CWC15: variants seen among roughly 807,000 people sequenced by gnomAD.
CWC15 encodes CWC15 spliceosome associated protein, also known as spliceosome-associated protein CWC15 homolog.
CWC15 carries 12 observed loss-of-function variants against 28.4 expected under a neutral mutation model. That is an observed-to-expected ratio of 0.42 (90% CI 0.27 to 0.69). The LOEUF is 0.69. Among genes scored for constraint, CWC15 ranks in the 30% least tolerant of loss-of-function variants. CWC15 has a pLI of 0.23. For missense variants in CWC15, 192 were observed against 271.5 expected, an observed-to-expected ratio of 0.71 and a Z score of 2.06; for synonymous variants, 92 against 88.4, an observed-to-expected ratio of 1.04 and a Z score of -0.23.
chr11:94,970,633 A>G (rs1043292957), intron 4 of CWC15: 1 of 256,554 alleles, frequency 3.9e-6, no homozygotes, highest in Non-Finnish European at 7.6e-6. Context: ...TCTAGAGGGC[A>G]CTGTTTATAG....
chr11:94,972,264 T>A, intron 1 of CWC15, 71 bp from the exon 2 acceptor site: 1 of 1,386,652 alleles, frequency 7.2e-7, no homozygotes, highest in South Asian at 1.3e-5. Flanking sequence ...TTAATCAATA[T>A]CCATACTGGT....
intron 5 of CWC15, 143 bp downstream of exon 5, chr11:94,969,846 C>A: frequency 2.3e-6 from 1 of 441,336 alleles, no homozygotes; most frequent in South Asian, 6.8e-5. Flanking sequence ...TAAAAATAAT[C>A]ATTTATAGAT....
At chr11:94,966,247 A>T (rs925667343) in intron 6 of CWC15, 48 bp downstream of exon 6, 1 of 971,660 alleles carries the variant, frequency 1.0e-6, no homozygotes, top group African/African-American at 1.6e-5. Context: ...ACACACACAC[A>T]CACACACACA....
chr11:94,963,730 ATTC>A lies in CWC15; in HGVS notation c.561-219_561-217del, dbSNP rs376607002. 5.2e-4 allele frequency among the ~76,000 whole-genome samples: 79 copies of A among 152,248 alleles called. 1 individual carries two copies. The East Asian group carries it at 6.5e-3, about 13-fold the overall frequency. ...CAATTCCTACTTAGAACATTAAAAC[ATTC>A]TTATTATTTCTCCAGTAAAAGAAAC... On this transcript the variant is annotated intron_variant, in intron 6 of 6. Transcript: ENST00000279839.
intron 6 of CWC15, 24 bp downstream of exon 6, chr11:94,966,271 C>CACACACA: frequency 2.0e-6 from 2 of 992,894 alleles, no homozygotes; most frequent in Non-Finnish European, 3.0e-6. Flanking sequence ...ACACACACTC[C>CACACACA]ATTACTCCGT....
chr11:94,968,350 TAG>T (rs1252228956), intron 5 of CWC15, among the ~76,000 whole-genome samples: 1 of 152,068 alleles, frequency 6.6e-6, no homozygotes, highest in African/African-American at 2.4e-5. Flanking sequence ...AACCAGCCAA[TAG>T]AAAGGGAAAC....
chr11:94,969,924 C>T, intron 5 of CWC15, 65 bp downstream of exon 5: 1 of 1,008,584 alleles, frequency 9.9e-7, no homozygotes, highest in Non-Finnish European at 1.4e-6. Flanking sequence ...TACTTATATT[C>T]AAAAAAATTT....
chr11:94,966,198 C>A, intron 6 of CWC15, 97 bp downstream of exon 6: 1 of 710,942 alleles, frequency 1.4e-6, no homozygotes, highest in Non-Finnish European at 2.2e-6. Context: ...TTATAATCTG[C>A]ATGCCTGTGT....
In CWC15 at chr11:94,972,121, T is replaced by C. The variant is rs782246259; in HGVS notation, c.65A>G (p.Asp22Gly). Reference sequence around the variant, plus strand: ...ATACTGCTTTGAAAGTTGGCTCAAATCACCTTCTCCTTTTCCCCTTCCACC... The same window carrying C: ...ATACTGCTTTGAAAGTTGGCTCAAACCACCTTCTCCTTTTCCCCTTCCACC... ...ARGGRGKGEG[D>G]LSQLSKQYSS... The change falls in exon 2 of 7, where the codon GAT becomes GGT. Residue 22 changes from aspartate (D) to glycine (G), a missense_variant. By Grantham distance (94) the Asp-to-Gly change is moderately conservative. This residue lies in a region of CWC15 where 188 missense variants were observed against 250.3 expected (regional missense o/e 0.75). Transcript: ENST00000279839. 3 of 1,613,888 alleles carry C rather than the reference T, an allele frequency of 1.9e-6. No individual in the cohort carries two copies. The highest frequency in any genetic ancestry group is 2.5e-6 in the Non-Finnish European group (3 of 1,179,836).
chr11:94,969,353 A>G (rs587774219), intron 5 of CWC15, among the ~76,000 whole-genome samples: 1 of 152,188 alleles, frequency 6.6e-6, no homozygotes, highest in South Asian at 2.1e-4. Flanking sequence ...AGTTTTATCA[A>G]TCTCCTGCTG....
intron 5 of CWC15, among the ~76,000 whole-genome samples, chr11:94,967,501 T>G (rs1156803598): frequency 6.6e-6 from 1 of 152,268 alleles, no homozygotes; most frequent in Non-Finnish European, 1.5e-5. Context: ...TGTTAACATG[T>G]TATCTTAAGC....
At chr11:94,965,352 C>T (rs1417404623) in intron 6 of CWC15, among the ~76,000 whole-genome samples, 1 of 152,134 alleles carries the variant, frequency 6.6e-6, no homozygotes, top group Admixed American at 6.5e-5. Context: ...GTAAGCTTTT[C>T]TGTTTTATTT....
At chr11:94,973,055 G>A (rs1307734165) in intron 1 of CWC15, among the ~76,000 whole-genome samples, 2 of 150,986 alleles carry the variant, frequency 1.3e-5, no homozygotes, top group Non-Finnish European at 3.0e-5. Flanking sequence ...TTTGGGGGGG[G>A]GGCGATGCTA....
Position 94,963,245 on chromosome 11 carries a change from C to T in CWC15, c.*140G>A. ...CCAAGTCCATTATCAAGTAAGGTAT[C>T]ACTAAAGAAAAAGATAGGAGTTTAA... On this transcript the variant is annotated 3_prime_UTR_variant, in exon 7 of 7. Transcript: ENST00000279839. 1.8e-6 allele frequency: 1 copy of T among 568,622 alleles called. No individual in the cohort carries two copies. 35.2% of individuals were successfully genotyped at this position (568,622 alleles called of 1,614,324 possible).
At chr11:94,965,620 T>C (rs1234620742) in intron 6 of CWC15, among the ~76,000 whole-genome samples, 1 of 152,234 alleles carries the variant, frequency 6.6e-6, no homozygotes, top group Non-Finnish European at 1.5e-5. Flanking sequence ...ACTATCCTTT[T>C]AGGAGTCTGG....
chr11:94,972,311 TA>T (rs1555096353), intron 1 of CWC15, 118 bp from the exon 2 acceptor site: 4 of 979,028 alleles, frequency 4.1e-6, no homozygotes, highest in Non-Finnish European at 5.9e-6. Flanking sequence ...AAAACCTGCT[TA>T]ATCTTCTTAA....
intron 6 of CWC15, among the ~76,000 whole-genome samples, chr11:94,965,381 G>T (rs1486226676): frequency 1.3e-5 from 2 of 152,176 alleles, no homozygotes; most frequent in Non-Finnish European, 2.9e-5. Flanking sequence ...ACCATCTGAA[G>T]GATTTACAGT....
At chr11:94,966,545 C>CTTTT (rs34432027) in intron 5 of CWC15, 132 bp from the exon 6 acceptor site, 3 of 238,066 alleles carry the variant, frequency 1.3e-5, no homozygotes, top group Non-Finnish European at 2.2e-5. Context: ...TCAAGGCAGG[C>CTTTT]TTTTTTTTTT....
chr11:94,963,273 C>A lies in CWC15; in HGVS notation c.*112G>T. The A allele has an allele frequency of 1.3e-6, 1 of 795,874 alleles. No individual in the cohort carries two copies. Among genetic ancestry groups the A allele is most frequent in the Non-Finnish European group, 1.8e-6 (1 of 549,512 alleles). 49.3% of individuals were successfully genotyped at this position (795,874 alleles called of 1,614,324 possible). ...TAAAGAAAAAGATAGGAGTTTAAAACTGGGGAAGCCCACACACAATTTAGA... is the reference window on the plus strand; with the variant it reads ...TAAAGAAAAAGATAGGAGTTTAAAAATGGGGAAGCCCACACACAATTTAGA... On this transcript the variant is annotated 3_prime_UTR_variant, in exon 7 of 7. Coordinates refer to ENST00000279839, the MANE Select transcript of CWC15 (RefSeq NM_016403.4).
Sources: allele counts gnomAD v4.1 joint callset (sites outside exome capture counted in the v4.1 genomes callset), GRCh38; gene constraint gnomAD v4.1.1; regional missense constraint gnomAD v4.1.1; transcripts MANE v1.5; gene names NCBI Gene and HGNC (gene_info 2026-07-23, HGNC 2026-07-21).